Variants in IQGAP2 observed in about 807,000 individuals in gnomAD.
IQGAP2 encodes ras GTPase-activating-like protein IQGAP2.
A neutral mutation model predicts 201.3 loss-of-function variants in IQGAP2; 173 were observed. That is an observed-to-expected ratio of 0.86 (90% confidence interval 0.76 to 0.98). IQGAP2 has a LOEUF of 0.98. Ranked by LOEUF, IQGAP2 falls within the 50% of genes least tolerant of loss-of-function variation. The pLI is 0.00. For missense variants in IQGAP2, 1,687 were observed against 1,864.8 expected (o/e 0.90, Z 1.76); for synonymous variants, 675 against 673.9 (o/e 1.00, Z -0.03).
chr5:76,653,168 C>T (rs990925986), intron 18 of IQGAP2, among the ~76,000 whole-genome samples: 1 of 152,088 alleles, frequency 6.6e-6, no homozygotes, highest in Non-Finnish European at 1.5e-5. Context: ...TTTCTCTTTC[C>T]ACATTTGCTT....
At chr5:76,705,769 G>A (rs1747839379) in intron 35 of IQGAP2, among the ~76,000 whole-genome samples, 1 of 152,170 alleles carries the variant, frequency 6.6e-6, no homozygotes, top group Non-Finnish European at 1.5e-5. Flanking sequence ...TTCTCTCAAA[G>A]ATGACTCCAA....
At chr5:76,617,518 T>C (rs958682642) in intron 13 of IQGAP2, 39 of 1,291,826 alleles carry the variant, frequency 3.0e-5, no homozygotes, top group Non-Finnish European at 3.9e-5. Flanking sequence ...TGCACTATGC[T>C]TATGTTGTTC....
chr5:76,627,316 G>C (rs2455221), intron 13 of IQGAP2, 94 bp from the exon 14 acceptor site: 10 of 870,326 alleles, frequency 1.1e-5, no homozygotes, highest in Non-Finnish European at 2.0e-5. Flanking sequence ...GAATTTGTGG[G>C]AATTATGATT....
chr5:76,699,869 A>C (rs1580855831), intron 33 of IQGAP2, among the ~76,000 whole-genome samples: 3 of 70,680 alleles, frequency 4.2e-5, no homozygotes, highest in South Asian at 4.9e-4. Context: ...CTCTCTCTCC[A>C]TATATAGTTC....
intron 5 of IQGAP2, among the ~76,000 whole-genome samples, chr5:76,580,296 A>C (rs1303700058): frequency 7.1e-6 from 1 of 140,878 alleles, no homozygotes; most frequent in Non-Finnish European, 1.5e-5. Flanking sequence ...AAAAAAAAAA[A>C]GCATGGTGGC....
intron 2 of IQGAP2, among the ~76,000 whole-genome samples, chr5:76,481,508 G>T (rs1755792839): frequency 6.6e-6 from 1 of 151,760 alleles, no homozygotes; most frequent in Non-Finnish European, 1.5e-5. Context: ...TTAGTCTCCT[G>T]AGTAGCTGGG....
chr5:76,612,016 T>C lies in IQGAP2; in HGVS notation c.1521+833T>C, dbSNP rs554977280. On this transcript the variant is annotated intron_variant, in intron 13 of 35. Transcript: ENST00000274364. ...TTCGAAACAGGAAAAACATCCTTGG[T>C]TAATGCAAACATTTATTGAGAACCT... is the stretch of plus-strand genomic sequence containing the variant. Among the ~76,000 whole-genome samples, 146 of 152,328 alleles carry C rather than the reference T, an allele frequency of 9.6e-4. 1 individual carries two copies. Among genetic ancestry groups the C allele is most frequent in the African/African-American group, 3.5e-3 (144 of 41,568 alleles).
chr5:76,503,955 T>C (rs1199096814), intron 2 of IQGAP2, among the ~76,000 whole-genome samples: 2 of 152,212 alleles, frequency 1.3e-5, no homozygotes, highest in African/African-American at 4.8e-5. Context: ...ATTCTTCTGT[T>C]GGTTGGTGCT....
At chr5:76,628,291 G>C (rs1282029832) in intron 14 of IQGAP2, among the ~76,000 whole-genome samples, 1 of 152,136 alleles carries the variant, frequency 6.6e-6, no homozygotes. Flanking sequence ...ACATAACTGT[G>C]GTCCACCAGT....
chr5:76,648,543 A>C (rs762672005), intron 17 of IQGAP2, among the ~76,000 whole-genome samples: 7 of 152,240 alleles, frequency 4.6e-5, no homozygotes, highest in Non-Finnish European at 8.8e-5. Flanking sequence ...TAAAATAACA[A>C]TTCCTAGGTG....
At chr5:76,695,707 C>T (rs1580843562) in intron 32 of IQGAP2, 41 bp downstream of exon 32, 5 of 1,509,864 alleles carry the variant, frequency 3.3e-6, no homozygotes, top group East Asian at 2.3e-5. Context: ...ACTTAGCAGA[C>T]ATTTGCTAAT....
intron 1 of IQGAP2, among the ~76,000 whole-genome samples, chr5:76,429,579 A>ATAT (rs1221460328): frequency 8.2e-6 from 1 of 122,404 alleles, no homozygotes; most frequent in African/African-American, 3.0e-5. Flanking sequence ...CTCAAAAAAA[A>ATAT]ATTTATATAT....
intron 4 of IQGAP2, 147 bp from the exon 5 acceptor site, chr5:76,575,546 C>T (rs1383796770): frequency 4.1e-6 from 2 of 490,908 alleles, no homozygotes; most frequent in Non-Finnish European, 7.3e-6. Context: ...TCTATCTCTA[C>T]AGCAAGATGA....
At chr5:76,467,174 C>T (rs1236003461) in intron 2 of IQGAP2, among the ~76,000 whole-genome samples, 1 of 152,130 alleles carries the variant, frequency 6.6e-6, no homozygotes. Context: ...ATTGCTTGAG[C>T]CTGGGAGGTG....
intron 2 of IQGAP2, among the ~76,000 whole-genome samples, chr5:76,549,795 A>T (rs1313579141): frequency 6.6e-6 from 1 of 152,066 alleles, no homozygotes; most frequent in Non-Finnish European, 1.5e-5. Context: ...CAGTAGCCAC[A>T]CCTAATCACC....
At chr5:76,623,646 A>G (rs1003843424) in intron 13 of IQGAP2, among the ~76,000 whole-genome samples, 5 of 152,200 alleles carry the variant, frequency 3.3e-5, no homozygotes, top group Non-Finnish European at 7.3e-5. Flanking sequence ...CCCACATTTC[A>G]TTTCTTATCC....
intron 1 of IQGAP2, among the ~76,000 whole-genome samples, chr5:76,456,891 C>A (rs1264811958): frequency 2.6e-5 from 4 of 151,772 alleles, no homozygotes; most frequent in Admixed American, 2.6e-4. Context: ...TCAAGGCCAG[C>A]GTGGGTAACA....
At chr5:76,545,851 G>C (rs1212827343) in intron 2 of IQGAP2, among the ~76,000 whole-genome samples, 2 of 152,114 alleles carry the variant, frequency 1.3e-5, no homozygotes, top group African/African-American at 4.8e-5. Context: ...CCTCCATTTT[G>C]CTAATTTGTC....
chr5:76,519,834 G>A (rs1181468818), intron 2 of IQGAP2, among the ~76,000 whole-genome samples: 1 of 152,050 alleles, frequency 6.6e-6, no homozygotes, highest in Middle Eastern at 3.2e-3. Flanking sequence ...AGTTTTATTT[G>A]CTCATTTGGT....
Sources: gnomAD v4.1 joint callset for allele counts (sites outside exome capture counted in the v4.1 genomes callset) on GRCh38, gnomAD v4.1.1 for gene constraint, MANE v1.5 for transcripts, NCBI Gene and HGNC (gene_info 2026-07-23, HGNC 2026-07-21) for gene names.